PALM2AKAP2: variants seen among roughly 807,000 people sequenced by gnomAD.
PALM2AKAP2 encodes PALM2 and AKAP2 fusion, also known as PALM2-AKAP2 fusion protein.
Under a neutral mutation model 71.5 loss-of-function variants are expected in PALM2AKAP2, and 37 were observed. The ratio of observed to expected loss-of-function variants is 0.52; its 90% CI spans 0.40 to 0.68. The LOEUF (loss-of-function observed/expected upper bound fraction) is 0.68. Ranked by LOEUF, PALM2AKAP2 falls within the 30% of genes least tolerant of loss-of-function variation. PALM2AKAP2 has a pLI of 0.00. For missense variants in PALM2AKAP2, 1,224 were observed against 1,191.8 expected, an observed-to-expected ratio of 1.03 and a Z score of -0.40; for synonymous variants, 468 against 478.8, an observed-to-expected ratio of 0.98 and a Z score of 0.29.
intron 6 of PALM2AKAP2, among the ~76,000 whole-genome samples, chr9:109,933,214 A>G (rs1343883125): frequency 6.6e-6 from 1 of 152,238 alleles, no homozygotes; most frequent in East Asian, 1.9e-4. Flanking sequence ...GGAACCTGCA[A>G]CCTGCAGTTA....
At chr9:110,159,062 T>C (rs1046660617) in intron 3 of PALM2AKAP2, among the ~76,000 whole-genome samples, 1 of 152,206 alleles carries the variant, frequency 6.6e-6, no homozygotes, top group Non-Finnish European at 1.5e-5. Flanking sequence ...TTCATTTTTT[T>C]CCTAACCAAT....
chr9:109,678,910 G>T (rs985006948), intron 1 of PALM2AKAP2, among the ~76,000 whole-genome samples: 5 of 152,166 alleles, frequency 3.3e-5, no homozygotes, highest in African/African-American at 1.2e-4. Context: ...GATACAACGT[G>T]CAAAGGCTTT....
At chr9:110,143,161 C>G (rs1170054921) in intron 2 of PALM2AKAP2, among the ~76,000 whole-genome samples, 2 of 151,526 alleles carry the variant, frequency 1.3e-5, no homozygotes. Context: ...GTGGTGCATG[C>G]CTGTAATCCC....
chr9:110,164,633 C>T (rs1372686338), intron 3 of PALM2AKAP2, among the ~76,000 whole-genome samples: 3 of 150,802 alleles, frequency 2.0e-5, no homozygotes, highest in African/African-American at 2.4e-5. Context: ...CATGCTCAGG[C>T]GAGTCTCATG....
intron 1 of PALM2AKAP2, among the ~76,000 whole-genome samples, chr9:109,822,244 C>G (rs1322446036): frequency 6.6e-6 from 1 of 151,772 alleles, no homozygotes; most frequent in Non-Finnish European, 1.5e-5. Context: ...TCTTTCATCT[C>G]TCTTCCCATC....
At chr9:110,094,004 G>A (rs1207615645) in intron 1 of PALM2AKAP2, among the ~76,000 whole-genome samples, 1 of 152,198 alleles carries the variant, frequency 6.6e-6, no homozygotes, top group Admixed American at 6.5e-5. Flanking sequence ...TGTCATGACA[G>A]GTGAGCGCTA....
chr9:110,130,736 G>A (rs534192920), intron 1 of PALM2AKAP2, among the ~76,000 whole-genome samples: 9 of 152,292 alleles, frequency 5.9e-5, no homozygotes, highest in African/African-American at 1.9e-4. Flanking sequence ...TGAGCCAAAG[G>A]CTAGAAACAA....
chr9:110,014,849 TATAC>T (rs1832952216), intron 6 of PALM2AKAP2, among the ~76,000 whole-genome samples: 4 of 97,516 alleles, frequency 4.1e-5, no homozygotes, highest in East Asian at 3.2e-4. Flanking sequence ...TATATATATA[TATAC>T]ACACACACAC....
chr9:109,963,430 C>T (rs966859049), intron 6 of PALM2AKAP2, among the ~76,000 whole-genome samples: 3 of 152,204 alleles, frequency 2.0e-5, no homozygotes, highest in African/African-American at 7.2e-5. Context: ...ACCAGCCCAT[C>T]CTACATTTCA....
At position 110,170,225 on chromosome 9, in the gene PALM2AKAP2, A is replaced by C. The variant is rs544031166; in HGVS notation, c.*1728A>C. ...CCATGAGAAAGAAAAAAAAATAAAC[A>C]GCCTTCTTTTTTTTTCCTTTGTTTT... On this transcript the variant is annotated 3_prime_UTR_variant, in exon 4 of 4. Coordinates refer to ENST00000374525, the Ensembl canonical transcript of PALM2AKAP2. 3.9e-5 allele frequency: 6 copies of C among 152,654 alleles called. No homozygotes were observed. In the South Asian group the frequency reaches 1.0e-3, roughly 26 times the overall value. The allele number at this position is 152,654 out of a possible 1,614,324, so 9.5% of individuals were successfully genotyped here.
intron 6 of PALM2AKAP2, among the ~76,000 whole-genome samples, chr9:110,006,216 T>A (rs1464234988): frequency 6.6e-6 from 1 of 151,884 alleles, no homozygotes; most frequent in Non-Finnish European, 1.5e-5. Context: ...ATATCTCTTC[T>A]CTTTCCTCTT....
intron 2 of PALM2AKAP2, among the ~76,000 whole-genome samples, chr9:110,151,826 C>G (rs1340151444): frequency 6.6e-6 from 1 of 152,192 alleles, no homozygotes; most frequent in African/African-American, 2.4e-5. Context: ...TACCTGTTCC[C>G]TGCTCTGTAA....
At chr9:109,989,599 T>A (rs1008400359) in intron 6 of PALM2AKAP2, among the ~76,000 whole-genome samples, 2 of 152,238 alleles carry the variant, frequency 1.3e-5, no homozygotes, top group African/African-American at 4.8e-5. Context: ...CCAAATAGGT[T>A]ATCTTCAATA....
chr9:109,816,389 A>G (rs1012958319), intron 1 of PALM2AKAP2, among the ~76,000 whole-genome samples: 4 of 152,218 alleles, frequency 2.6e-5, no homozygotes, highest in African/African-American at 7.2e-5. Flanking sequence ...ATGGACTGGG[A>G]TAAGATAGAG....
upstream of PALM2AKAP2, among the ~76,000 whole-genome samples, chr9:110,044,279 A>G (rs549284285): frequency 7.0e-5 from 10 of 142,482 alleles, no homozygotes; most frequent in East Asian, 4.4e-4. Context: ...CTATTTGTTT[A>G]GTGTGAGCGA....
At chr9:109,984,455 C>A (rs868300102) in intron 6 of PALM2AKAP2, among the ~76,000 whole-genome samples, 1 of 150,832 alleles carries the variant, frequency 6.6e-6, no homozygotes, top group Non-Finnish European at 1.5e-5. Context: ...GCTGGGAGTT[C>A]GAGACCAATT....
intron 2 of PALM2AKAP2, among the ~76,000 whole-genome samples, chr9:109,868,371 G>A (rs1395919464): frequency 2.0e-5 from 3 of 152,274 alleles, no homozygotes; most frequent in East Asian, 3.9e-4. Flanking sequence ...ATGGCCAGCC[G>A]GGAGTTGTTG....
chr9:110,091,542 A>C (rs1377842343), intron 1 of PALM2AKAP2, among the ~76,000 whole-genome samples: 3 of 139,936 alleles, frequency 2.1e-5, no homozygotes, highest in African/African-American at 8.2e-5. Context: ...CGCTCACTGC[A>C]ATCTCTACCT....
At chr9:110,069,475 A>G (rs1345908558) in intron 1 of PALM2AKAP2, among the ~76,000 whole-genome samples, 3 of 152,172 alleles carry the variant, frequency 2.0e-5, no homozygotes, top group African/African-American at 4.8e-5. Context: ...AGGCCACTCC[A>G]TGTCATTCTT....
Sources: gnomAD v4.1 joint callset for allele counts (sites outside exome capture counted in the v4.1 genomes callset) on GRCh38, gnomAD v4.1.1 for gene constraint, MANE v1.5 for transcripts, NCBI Gene and HGNC (gene_info 2026-07-23, HGNC 2026-07-21) for gene names.